CNTN5: variants seen among roughly 807,000 people sequenced by gnomAD.
CNTN5 encodes contactin 5.
CNTN5 carries 77 observed loss-of-function variants against 129.1 expected under a neutral mutation model. That is an observed-to-expected ratio of 0.60 (90% CI 0.50 to 0.72). The LOEUF is 0.72. CNTN5 is among the 30% of genes least tolerant of loss of function. The pLI is 0.00. For synonymous variants in CNTN5, 509 were observed against 465.6 expected (o/e 1.09, Z -1.20); for missense variants, 1,478 against 1,328.8 (o/e 1.11, Z -1.75).
chr11:100,186,099 C>T (rs1948294345), intron 13 of CNTN5, among the ~76,000 whole-genome samples: 1 of 152,116 alleles, frequency 6.6e-6, no homozygotes, highest in Non-Finnish European at 1.5e-5. Context: ...GTGGCTCATG[C>T]CTGTAATCCC....
At chr11:99,034,518 A>G (rs993163216) in intron 1 of CNTN5, among the ~76,000 whole-genome samples, 3 of 151,594 alleles carry the variant, frequency 2.0e-5, no homozygotes, top group African/African-American at 7.3e-5. Context: ...GTGTCGAGGA[A>G]TTTATCCATT....
chr11:99,690,281 G>T lies in CNTN5; in HGVS notation c.56-129263G>T, dbSNP rs144802348. Among the ~76,000 whole-genome samples the T allele has an allele frequency of 2.5e-4, 38 of 152,128 alleles. 1 individual carries two copies. The highest frequency in any genetic ancestry group is 8.2e-4 in the African/African-American group (34 of 41,518). On this transcript the variant is annotated intron_variant, in intron 3 of 24. Transcript: ENST00000524871. ...TTTGGGTTCTCTATTCTGTTCCATTGGTCTATGTGCCTGTTCTTTCACCAG... is the reference window on the plus strand; with the variant it reads ...TTTGGGTTCTCTATTCTGTTCCATTTGTCTATGTGCCTGTTCTTTCACCAG...
chr11:99,848,386 A>G (rs1475533475), intron 6 of CNTN5, among the ~76,000 whole-genome samples: 1 of 152,186 alleles, frequency 6.6e-6, no homozygotes, highest in Non-Finnish European at 1.5e-5. Context: ...CACATTTTAA[A>G]GCTAAAATAT....
intron 13 of CNTN5, among the ~76,000 whole-genome samples, chr11:100,108,720 T>C (rs1945542084): frequency 6.6e-6 from 1 of 152,110 alleles, no homozygotes; most frequent in Non-Finnish European, 1.5e-5. Context: ...TTTATTATGA[T>C]TTTATTAACT....
At chr11:99,430,935 C>T (rs9943653) in intron 2 of CNTN5, among the ~76,000 whole-genome samples, 4 of 151,024 alleles carry the variant, frequency 2.6e-5, no homozygotes, top group African/African-American at 2.4e-5. Context: ...TAAAAGGTGG[C>T]CTTGCTGTAG....
At chr11:99,250,330 T>G (rs1321548296) in intron 1 of CNTN5, among the ~76,000 whole-genome samples, 1 of 151,958 alleles carries the variant, frequency 6.6e-6, no homozygotes, top group Non-Finnish European at 1.5e-5. Flanking sequence ...TTACTTGACA[T>G]TATAAATTCA....
At chr11:99,545,668 A>G (rs2135508202) in intron 2 of CNTN5, among the ~76,000 whole-genome samples, 1 of 152,330 alleles carries the variant, frequency 6.6e-6, no homozygotes, top group Admixed American at 6.5e-5. Flanking sequence ...TGAAATATTT[A>G]TTACCTCTCA....
intron 1 of CNTN5, among the ~76,000 whole-genome samples, chr11:99,299,050 T>A (rs1864509089): frequency 6.6e-6 from 1 of 152,178 alleles, no homozygotes; most frequent in Admixed American, 6.5e-5. Flanking sequence ...TGTCTTTGAA[T>A]TGTTGATCTG....
intron 1 of CNTN5, among the ~76,000 whole-genome samples, chr11:99,200,169 AG>A (rs1859101124): frequency 1.3e-5 from 2 of 152,160 alleles, no homozygotes; most frequent in African/African-American, 4.8e-5. Flanking sequence ...TTTCTATAAA[AG>A]ATCTCTCACC....
chr11:99,622,979 ACT>A, intron 3 of CNTN5, among the ~76,000 whole-genome samples: 1 of 152,184 alleles, frequency 6.6e-6, no homozygotes, highest in South Asian at 2.1e-4. Context: ...AATTAGAATG[ACT>A]CTACATTCTG....
intron 6 of CNTN5, among the ~76,000 whole-genome samples, chr11:99,908,963 C>G (rs1949582844): frequency 6.6e-6 from 1 of 152,048 alleles, no homozygotes; most frequent in Non-Finnish European, 1.5e-5. Context: ...CTCATCTGAC[C>G]TGTTATATAT....
chr11:100,049,871 A>G lies in CNTN5; in HGVS notation c.981-11341A>G, dbSNP rs1037829523. Among the ~76,000 whole-genome samples, 6 of 152,296 alleles carry G rather than the reference A, an allele frequency of 3.9e-5. 1 individual carries two copies. Among genetic ancestry groups the G allele is most frequent in the African/African-American group, 1.4e-4 (6 of 41,562 alleles). ...TTTATGCAGCCAAAAAACACATGAA[A>G]AAATGCTCACCATCACTGGCCGTCA... is the stretch of plus-strand genomic sequence containing the variant. On this transcript the variant is annotated intron_variant, in intron 9 of 24. Coordinates refer to ENST00000524871, the MANE Select transcript of CNTN5 (RefSeq NM_014361.4).
intron 13 of CNTN5, among the ~76,000 whole-genome samples, chr11:100,076,708 C>T (rs1013352592): frequency 1.3e-5 from 2 of 151,814 alleles, no homozygotes; most frequent in South Asian, 4.1e-4. Flanking sequence ...AAGCAAGGCT[C>T]AGCCACATTT....
intron 1 of CNTN5, among the ~76,000 whole-genome samples, chr11:99,099,537 A>C (rs1207711320): frequency 8.3e-6 from 1 of 120,040 alleles, no homozygotes; most frequent in East Asian, 2.8e-4. Context: ...CAGCATAAAA[A>C]TATAATGTGT....
At chr11:100,001,969 C>T in intron 8 of CNTN5, 65 bp from the exon 9 acceptor site, 1 of 1,144,302 alleles carries the variant, frequency 8.7e-7, no homozygotes, top group East Asian at 2.7e-5. Context: ...AATGTAACAT[C>T]TCCAGGATTA....
intron 3 of CNTN5, among the ~76,000 whole-genome samples, chr11:99,819,297 C>CT (rs1946694699): frequency 2.4e-5 from 1 of 41,484 alleles, no homozygotes; most frequent in Non-Finnish European, 4.8e-5. Context: ...CTCCTCTCCT[C>CT]CCCTTCCCTC....
chr11:100,173,731 G>A (rs1947886486), intron 13 of CNTN5, among the ~76,000 whole-genome samples: 1 of 152,130 alleles, frequency 6.6e-6, no homozygotes, highest in Non-Finnish European at 1.5e-5. Flanking sequence ...GTGCTTACAA[G>A]AGCGAGCCTT....
At chr11:100,146,208 G>A (rs74891004) in intron 13 of CNTN5, among the ~76,000 whole-genome samples, 14,265 of 152,108 alleles carry the variant, frequency 0.094, 843 homozygotes, top group Non-Finnish European at 0.13. Context: ...AAGGGTGACT[G>A]TATTACAATT....
intron 3 of CNTN5, among the ~76,000 whole-genome samples, chr11:99,598,356 CTCTCTCTCTCTCTCTCT>C (rs1950203339): frequency 2.2e-5 from 1 of 45,918 alleles, no homozygotes; most frequent in Non-Finnish European, 4.2e-5. Context: ...CTCTCTCTCT[CTCTCTCTCTCTCTCTCT>C]CCCTCTCTCT....
Sources: allele counts gnomAD v4.1 joint callset (sites outside exome capture counted in the v4.1 genomes callset), GRCh38; gene constraint gnomAD v4.1.1; transcripts MANE v1.5; gene names NCBI Gene and HGNC (gene_info 2026-07-23, HGNC 2026-07-21).